FBLN2: variants seen among roughly 807,000 people sequenced by gnomAD.
FBLN2 encodes fibulin-2.
A neutral mutation model predicts 123.7 loss-of-function variants in FBLN2; 81 were observed. The ratio of observed to expected loss-of-function variants is 0.65; its 90% confidence interval spans 0.55 to 0.79. The LOEUF (loss-of-function observed/expected upper bound fraction) is 0.79. Among genes scored for constraint, FBLN2 ranks in the 30% least tolerant of loss-of-function variants. The probability of loss-of-function intolerance (pLI) is 0.00; values close to 1 mark genes in which losing one functional copy is unlikely to be tolerated. For synonymous variants in FBLN2, 699 were observed against 701.4 expected, an observed-to-expected ratio of 1.00 and a Z score of 0.05; for missense variants, 1,603 against 1,681.3, an observed-to-expected ratio of 0.95 and a Z score of 0.81.
At chr3:13,580,053 C>T (rs546891047) in intron 2 of FBLN2, among the ~76,000 whole-genome samples, 110 of 152,268 alleles carry the variant, frequency 7.2e-4, no homozygotes, top group South Asian at 1.9e-3. Context: ...TTGCGTGTAT[C>T]GGGAGGGGGT....
chr3:13,597,427 C>T (rs1704881986), intron 2 of FBLN2, among the ~76,000 whole-genome samples: 1 of 152,178 alleles, frequency 6.6e-6, no homozygotes, highest in South Asian at 2.1e-4. Context: ...AGCAAGAGTT[C>T]CCTCCTTTTC....
chr3:13,629,973 T>TG, intron 14 of FBLN2, 28 bp downstream of exon 14: 2 of 1,607,606 alleles, frequency 1.2e-6, no homozygotes, highest in Non-Finnish European at 1.7e-6. Context: ...TCTGACCCTA[T>TG]GCCGCCTGGT....
At chr3:13,614,650 C>CCATG (rs1222400610) in intron 5 of FBLN2, among the ~76,000 whole-genome samples, 1 of 150,654 alleles carries the variant, frequency 6.6e-6, no homozygotes, top group Non-Finnish European at 1.5e-5. Context: ...ATCCATCCAT[C>CCATG]CATCCATCCA....
intron 5 of FBLN2, 42 bp downstream of exon 5, chr3:13,614,206 G>C (rs761776098): frequency 6.3e-7 from 1 of 1,585,648 alleles, no homozygotes; most frequent in Admixed American, 1.7e-5. Flanking sequence ...TAGGGCGAAG[G>C]CTGGTTGACC....
chr3:13,571,701 G>A, intron 2 of FBLN2, 40 bp downstream of exon 2: 2 of 1,492,368 alleles, frequency 1.3e-6, no homozygotes, highest in South Asian at 2.7e-5. Context: ...ACTTTGTGTG[G>A]GAAGGGCAGC....
intron 14 of FBLN2, 51 bp downstream of exon 14, chr3:13,629,996 C>G (rs1375510994): frequency 1.3e-6 from 2 of 1,595,306 alleles, no homozygotes; most frequent in Non-Finnish European, 1.7e-6. Context: ...CTGTAGTGGG[C>G]AGACCCGCCG....
At chr3:13,593,758 C>G (rs1704753677) in intron 2 of FBLN2, among the ~76,000 whole-genome samples, 1 of 150,622 alleles carries the variant, frequency 6.6e-6, no homozygotes. Flanking sequence ...CCCTAGCCTG[C>G]AGGGTTGTGG....
At position 13,608,089 on chromosome 3, in the gene FBLN2, G is replaced by A; in HGVS notation, c.1334G>A (p.Cys445Tyr). Residue 445 changes from cysteine (C) to tyrosine (Y), a missense_variant, in exon 3 of 18, where the codon TGC becomes TAC. Coordinates refer to ENST00000404922, the MANE Select transcript of FBLN2 (RefSeq NM_001004019.2). ...EGSTKDLIET[C>Y]CAAGQQWAID... ...TCCACCAAGGACCTGATCGAGACTT[G>A]CTGCGCAGCCGGACAGCAGTGGGCC... is the stretch of plus-strand genomic sequence containing the variant. The A allele has an allele frequency of 6.3e-7, 1 of 1,591,434 alleles. No homozygotes were observed. The highest frequency in any genetic ancestry group is 8.6e-7 in the Non-Finnish European group (1 of 1,169,134).
At chr3:13,626,817 T>G (rs768130783) in intron 10 of FBLN2, among the ~76,000 whole-genome samples, 2 of 152,096 alleles carry the variant, frequency 1.3e-5, no homozygotes, top group Non-Finnish European at 2.9e-5. Context: ...GCAGGCTAGG[T>G]CCACCCCGGC....
At chr3:13,559,155 G>T (rs1316991928) in intron 1 of FBLN2, among the ~76,000 whole-genome samples, 1 of 152,136 alleles carries the variant, frequency 6.6e-6, no homozygotes, top group Non-Finnish European at 1.5e-5. Flanking sequence ...GGGAGTCTAT[G>T]AAACTCCCTC....
intron 1 of FBLN2, among the ~76,000 whole-genome samples, chr3:13,562,340 C>T (rs1290771125): frequency 2.7e-5 from 4 of 150,810 alleles, no homozygotes; most frequent in Admixed American, 1.3e-4. Context: ...GTAAAATATA[C>T]GTAACATGAA....
At chr3:13,581,878 T>C (rs781438744) in intron 2 of FBLN2, among the ~76,000 whole-genome samples, 7 of 152,146 alleles carry the variant, frequency 4.6e-5, no homozygotes, top group Non-Finnish European at 1.0e-4. Flanking sequence ...AGCCCAGCTC[T>C]GAACCCAGAT....
chr3:13,632,281 C>G (rs1310097578), intron 16 of FBLN2, among the ~76,000 whole-genome samples: 1 of 152,222 alleles, frequency 6.6e-6, no homozygotes, highest in Middle Eastern at 3.2e-3. Context: ...CCCTCGGTCC[C>G]TTGGCGCCGC....
rs746632297 is a variant in FBLN2, at chr3:13,637,771, A to C, written c.3548A>C (p.Asn1183Thr). 2 of 1,613,920 alleles carry C rather than the reference A, an allele frequency of 1.2e-6. No homozygotes were observed. The highest frequency in any genetic ancestry group is 1.7e-6 in the Non-Finnish European group (2 of 1,179,816). ...EEGYFGTRRL[N>T]AYTGVVYLQR... ...GGCTACTTTGGCACGCGCAGGCTCA[A>C]TGCCTACACGGGTGTGGTCTACCTG... The change falls in exon 18 of 18, where the codon AAT becomes ACT. Residue 1183 changes from asparagine (N) to threonine (T), a missense_variant. Asn to Thr is a moderately conservative substitution (Grantham distance 65). Coordinates refer to ENST00000404922, the MANE Select transcript of FBLN2 (RefSeq NM_001004019.2).
chr3:13,615,406 C>A (rs2124888871), intron 5 of FBLN2, among the ~76,000 whole-genome samples: 1 of 152,300 alleles, frequency 6.6e-6, no homozygotes, highest in South Asian at 2.1e-4. Flanking sequence ...GTGGATTTGT[C>A]CTGGGCACTT....
chr3:13,582,631 C>G (rs551673562), intron 2 of FBLN2, among the ~76,000 whole-genome samples: 1 of 152,320 alleles, frequency 6.6e-6, no homozygotes, highest in South Asian at 2.1e-4. Context: ...CTGCCTCTGC[C>G]GCTCGTGGCT....
intron 16 of FBLN2, among the ~76,000 whole-genome samples, chr3:13,633,513 GC>G (rs1429061505): frequency 2.0e-5 from 3 of 152,258 alleles, no homozygotes; most frequent in African/African-American, 4.8e-5. Context: ...CGGCTCCCCG[GC>G]CTCATCCATT....
At chr3:13,550,968 C>A (rs1703306139) in intron 1 of FBLN2, among the ~76,000 whole-genome samples, 1 of 152,238 alleles carries the variant, frequency 6.6e-6, no homozygotes, top group Non-Finnish European at 1.5e-5. Context: ...TTTCCGTCTT[C>A]TCTTGAAAAG....
chr3:13,597,794 A>G (rs560573896), intron 2 of FBLN2, among the ~76,000 whole-genome samples: 3 of 152,338 alleles, frequency 2.0e-5, no homozygotes, highest in East Asian at 1.9e-4. Context: ...CTGCTGGGCA[A>G]GGGTTGTGCT....
Sources: gnomAD v4.1 joint callset for allele counts (sites outside exome capture counted in the v4.1 genomes callset) on GRCh38, gnomAD v4.1.1 for gene constraint, MANE v1.5 for transcripts, NCBI Gene and HGNC (gene_info 2026-07-23, HGNC 2026-07-21) for gene names.